Variants in DLGAP1 observed in about 807,000 individuals in gnomAD.
DLGAP1 encodes the protein disks large-associated protein 1.
A neutral mutation model predicts 90.8 loss-of-function variants in DLGAP1; 11 were observed. The ratio of observed to expected loss-of-function variants is 0.12; its 90% CI spans 0.08 to 0.20. The LOEUF is 0.20. Ranked by LOEUF, DLGAP1 falls within the 10% of genes least tolerant of loss-of-function variation. The probability of loss-of-function intolerance (pLI) is 1.00; values close to 1 mark genes in which losing one functional copy is unlikely to be tolerated. For missense variants in DLGAP1, 1,050 were observed against 1,333.8 expected (o/e 0.79, Z 3.31); for synonymous variants, 558 against 540.7 (o/e 1.03, Z -0.44).
intron 1 of DLGAP1, among the ~76,000 whole-genome samples, chr18:4,412,293 G>A (rs556165382): frequency 2.6e-5 from 4 of 152,186 alleles, no homozygotes; most frequent in South Asian, 2.1e-4. Flanking sequence ...ACAACCTCCT[G>A]GGCCTAAACA....
At chr18:4,206,454 G>C (rs1402138575) in intron 1 of DLGAP1, among the ~76,000 whole-genome samples, 2 of 152,134 alleles carry the variant, frequency 1.3e-5, no homozygotes, top group African/African-American at 2.4e-5. Context: ...CCGGGAAGTG[G>C]CTGCTCTTCC....
intron 3 of DLGAP1, among the ~76,000 whole-genome samples, chr18:3,947,779 T>G (rs2072906213): frequency 6.6e-6 from 1 of 152,192 alleles, no homozygotes; most frequent in Non-Finnish European, 1.5e-5. Flanking sequence ...AATGTTAAAA[T>G]GGAAAGTGCT....
chr18:3,623,963 C>G (rs538531587), intron 7 of DLGAP1, among the ~76,000 whole-genome samples: 6 of 152,238 alleles, frequency 3.9e-5, no homozygotes, highest in African/African-American at 1.4e-4. Context: ...TACTTTTCCT[C>G]CCTCCTCCTC....
intron 1 of DLGAP1, among the ~76,000 whole-genome samples, chr18:4,260,014 A>G (rs1412274038): frequency 6.6e-6 from 1 of 152,226 alleles, no homozygotes; most frequent in African/African-American, 2.4e-5. Flanking sequence ...TTAAAAGGTC[A>G]CAACCATGAA....
intron 2 of DLGAP1, among the ~76,000 whole-genome samples, chr18:4,077,534 A>G (rs905986924): frequency 6.6e-6 from 1 of 152,042 alleles, no homozygotes; most frequent in Non-Finnish European, 1.5e-5. Context: ...TTCTCACTCT[A>G]TTAGTTCCTA....
chr18:3,813,220 G>A (rs368939886), intron 5 of DLGAP1, among the ~76,000 whole-genome samples: 10 of 152,242 alleles, frequency 6.6e-5, no homozygotes, highest in African/African-American at 2.4e-4. Flanking sequence ...TTATAATACT[G>A]TGTTTTTACT....
chr18:3,876,471 G>A (rs765349511), intron 4 of DLGAP1, among the ~76,000 whole-genome samples: 6 of 152,178 alleles, frequency 3.9e-5, no homozygotes, highest in Admixed American at 6.5e-5. Flanking sequence ...GATTAACTTG[G>A]AGTTTAGTTT....
intron 10 of DLGAP1, among the ~76,000 whole-genome samples, chr18:3,520,636 C>T (rs142432898): frequency 6.6e-6 from 1 of 152,222 alleles, no homozygotes; most frequent in East Asian, 1.9e-4. Flanking sequence ...GGACTGCAAG[C>T]CAAGGAGAGC....
chr18:3,526,660 G>A lies in DLGAP1; in HGVS notation c.2479+7534C>T, dbSNP rs535637799. ...GACAGATTTAGAAGTACAATCACCG[G>A]TATTTCATCTTAGGGCCATTGAAAC... On this transcript the variant is annotated intron_variant, in intron 10 of 12. Coordinates refer to ENST00000315677, the MANE Select transcript of DLGAP1 (RefSeq NM_004746.4). The surrounding 1 kb of genome is among the most constrained non-coding windows in gnomAD (Gnocchi z 4.7). 1.3e-5 allele frequency among the ~76,000 whole-genome samples: 2 copies of A among 152,332 alleles called. No homozygotes were observed. Among genetic ancestry groups the A allele is most frequent in the East Asian group, 3.9e-4 (2 of 5,192 alleles).
At chr18:4,217,341 T>C (rs73373074) in intron 1 of DLGAP1, among the ~76,000 whole-genome samples, 4,050 of 152,248 alleles carry the variant, frequency 0.027, 158 homozygotes, top group African/African-American at 0.084. Flanking sequence ...GATATAAATA[T>C]TCATGTTCAG....
At chr18:3,777,360 C>T (rs1338914879) in intron 5 of DLGAP1, among the ~76,000 whole-genome samples, 2 of 152,062 alleles carry the variant, frequency 1.3e-5, no homozygotes, top group Admixed American at 6.5e-5. Flanking sequence ...TCAAAACCAG[C>T]CCATGTGAAT....
chr18:3,559,992 C>CA (rs1201501182), intron 9 of DLGAP1, among the ~76,000 whole-genome samples: 1 of 152,104 alleles, frequency 6.6e-6, no homozygotes, highest in Non-Finnish European at 1.5e-5. Context: ...TAATAATTTC[C>CA]AATTCCTACC....
intron 1 of DLGAP1, among the ~76,000 whole-genome samples, chr18:4,168,430 T>G (rs150872614): frequency 1.3e-4 from 20 of 152,170 alleles, no homozygotes; most frequent in Middle Eastern, 3.2e-3. Context: ...TCATACAAAA[T>G]TTAACTCACA....
chr18:3,711,335 A>G lies in DLGAP1; in HGVS notation c.1591+17800T>C, dbSNP rs2061590468. ...TGCAAGTGAATCAGATCATATCACT[A>G]TGAATGATAAAAATTGTGTTAAAGA... On this transcript the variant is annotated intron_variant, in intron 7 of 12. Coordinates refer to ENST00000315677, the MANE Select transcript of DLGAP1 (RefSeq NM_004746.4). This position sits in a 1 kb window ranked among gnomAD's most constrained non-coding sequence, Gnocchi z 4.0. Among the ~76,000 whole-genome samples the G allele has an allele frequency of 6.6e-6, 1 of 152,264 alleles. No individual in the cohort carries two copies. Among genetic ancestry groups the G allele is most frequent in the African/African-American group, 2.4e-5 (1 of 41,476 alleles).
intron 1 of DLGAP1, among the ~76,000 whole-genome samples, chr18:4,387,096 T>A (rs943101628): frequency 1.3e-5 from 2 of 152,156 alleles, no homozygotes; most frequent in Admixed American, 6.5e-5. Flanking sequence ...TCTAAATACC[T>A]AAACCCTCAT....
chr18:3,588,001 G>C (rs575610139), intron 7 of DLGAP1, among the ~76,000 whole-genome samples: 37 of 152,240 alleles, frequency 2.4e-4, no homozygotes, highest in African/African-American at 8.2e-4. Context: ...TAAGTTTTTT[G>C]TTCATTTCAA....
intron 3 of DLGAP1, among the ~76,000 whole-genome samples, chr18:3,988,355 C>T (rs2073884794): frequency 6.6e-6 from 1 of 152,136 alleles, no homozygotes; most frequent in African/African-American, 2.4e-5. Context: ...TTGTCACTTG[C>T]CGCTCACTGA....
chr18:3,880,458 G>A (rs1215589840), intron 3 of DLGAP1, among the ~76,000 whole-genome samples: 1 of 152,076 alleles, frequency 6.6e-6, no homozygotes, highest in African/African-American at 2.4e-5. Flanking sequence ...GATTACAGGC[G>A]TGAGCAACCC....
At chr18:3,772,190 CTT>C (rs1231822110) in intron 5 of DLGAP1, among the ~76,000 whole-genome samples, 1 of 138,500 alleles carries the variant, frequency 7.2e-6, no homozygotes, top group Non-Finnish European at 1.5e-5. Context: ...TCCTTCCTTC[CTT>C]TCTCTTCTTC....
Sources: gnomAD v4.1 joint callset for allele counts (sites outside exome capture counted in the v4.1 genomes callset) on GRCh38, gnomAD v4.1.1 for gene constraint, Gnocchi (gnomAD v3.1) non-coding constraint, MANE v1.5 for transcripts, NCBI Gene and HGNC (gene_info 2026-07-23, HGNC 2026-07-21) for gene names.